The following MAP4K5 variants were observed in gnomAD, a reference collection of about 807,000 sequenced individuals.
The protein encoded by MAP4K5 is MAPK/ERK kinase kinase kinase 5.
In MAP4K5, 82 loss-of-function variants were observed where a neutral mutation model predicts 135.6. The observed-to-expected ratio is 0.60, with a 90% CI of 0.51 to 0.73. The LOEUF (loss-of-function observed/expected upper bound fraction) is 0.73, where lower values mean the gene tolerates loss of function less well. Among genes scored for constraint, MAP4K5 ranks in the 30% least tolerant of loss-of-function variants. MAP4K5 has a pLI of 0.00. For missense variants in MAP4K5, 907 were observed against 1,010.9 expected (o/e 0.90, Z 1.39); for synonymous variants, 347 against 335.0 (o/e 1.04, Z -0.39).
chr14:50,550,438 G>A (rs964914041), intron 1 of MAP4K5, among the ~76,000 whole-genome samples: 8 of 152,154 alleles, frequency 5.3e-5, no homozygotes, highest in South Asian at 2.1e-4. Flanking sequence ...CTACAGCAGC[G>A]GTCAGCCACC....
chr14:50,527,963 T>C (rs934580745), intron 2 of MAP4K5, among the ~76,000 whole-genome samples: 1 of 152,220 alleles, frequency 6.6e-6, no homozygotes, highest in African/African-American at 2.4e-5. Flanking sequence ...CTACTGATTA[T>C]GAACTGTATC....
At chr14:50,422,289 C>CAAA (rs965845409) in intron 32 of MAP4K5, among the ~76,000 whole-genome samples, 1 of 152,138 alleles carries the variant, frequency 6.6e-6, no homozygotes, top group Non-Finnish European at 1.5e-5. Flanking sequence ...CTTACCTTTT[C>CAAA]TATTCACTAA....
At chr14:50,519,342 T>C (rs2140083011) in intron 2 of MAP4K5, among the ~76,000 whole-genome samples, 1 of 152,276 alleles carries the variant, frequency 6.6e-6, no homozygotes, top group East Asian at 1.9e-4. Context: ...TAATTTTTCA[T>C]TCCTATATAG....
At chr14:50,509,745 C>T (rs550067353) in intron 2 of MAP4K5, among the ~76,000 whole-genome samples, 5 of 151,722 alleles carry the variant, frequency 3.3e-5, no homozygotes, top group African/African-American at 4.8e-5. Flanking sequence ...AACATAATAG[C>T]CACTTCTATG....
chr14:50,498,864 A>G lies in MAP4K5; in HGVS notation c.166+5936T>C, dbSNP rs193192907. 8.6e-4 allele frequency among the ~76,000 whole-genome samples: 131 copies of G among 152,330 alleles called. 1 individual carries two copies. The highest frequency in any genetic ancestry group is 8.4e-3 in the Admixed American group (129 of 15,302). ...ACCAGTTCATCTGTTAAATCAATAC[A>G]AGAAAGCACTTTTGTATTATGCTGG... On this transcript the variant is annotated intron_variant, in intron 3 of 32. Coordinates refer to ENST00000682126, the MANE Select transcript of MAP4K5 (RefSeq NM_006575.6).
intron 21 of MAP4K5, among the ~76,000 whole-genome samples, chr14:50,441,466 C>T: frequency 6.6e-6 from 1 of 152,034 alleles, no homozygotes; most frequent in Non-Finnish European, 1.5e-5. Flanking sequence ...CATGAGGACT[C>T]ATTATACAAA....
intron 14 of MAP4K5, among the ~76,000 whole-genome samples, chr14:50,451,910 A>G (rs980006382): frequency 1.3e-5 from 2 of 152,184 alleles, no homozygotes; most frequent in South Asian, 4.1e-4. Flanking sequence ...ATGCTTCCTA[A>G]CTGACAAAGG....
At chr14:50,465,069 T>G (rs2036801567) in intron 11 of MAP4K5, among the ~76,000 whole-genome samples, 1 of 152,202 alleles carries the variant, frequency 6.6e-6, no homozygotes, top group Non-Finnish European at 1.5e-5. Flanking sequence ...AGGAATATAA[T>G]TAGCAGCACA....
chr14:50,458,948 A>G (rs2036650818), intron 13 of MAP4K5, among the ~76,000 whole-genome samples: 2 of 152,096 alleles, frequency 1.3e-5, no homozygotes, highest in Non-Finnish European at 2.9e-5. Context: ...AGTTGGGACT[A>G]CAGGAACCCA....
At chr14:50,478,629 C>T (rs1204565526) in intron 6 of MAP4K5, among the ~76,000 whole-genome samples, 4 of 152,050 alleles carry the variant, frequency 2.6e-5, no homozygotes, top group East Asian at 1.9e-4. Flanking sequence ...AGAATATATA[C>T]TGGTTAAACA....
chr14:50,477,564 A>T (rs1316623453), intron 6 of MAP4K5, among the ~76,000 whole-genome samples: 2 of 152,272 alleles, frequency 1.3e-5, no homozygotes, highest in African/African-American at 4.8e-5. Flanking sequence ...GCCTGGAGGA[A>T]AAAACATCCC....
intron 3 of MAP4K5, among the ~76,000 whole-genome samples, 188 bp from the exon 4 acceptor site, chr14:50,486,382 C>T (rs2037364185): frequency 6.6e-6 from 1 of 151,888 alleles, no homozygotes; most frequent in Admixed American, 6.6e-5. Flanking sequence ...TCTTTGAACC[C>T]ACAATTTTAC....
intron 9 of MAP4K5, among the ~76,000 whole-genome samples, chr14:50,470,932 A>C (rs2036946742): frequency 6.6e-6 from 1 of 152,192 alleles, no homozygotes; most frequent in Admixed American, 6.5e-5. Flanking sequence ...AAAGAAGATA[A>C]ATATTGCTTA....
intron 25 of MAP4K5, 34 bp from the exon 26 acceptor site, chr14:50,437,568 A>G (rs757313965): frequency 2.5e-5 from 35 of 1,386,326 alleles, no homozygotes; most frequent in Non-Finnish European, 3.3e-5. Context: ...TGCACTCTAC[A>G]GTAGTGGTTA....
At position 50,555,161 on chromosome 14, in the gene MAP4K5, A is replaced by C. The variant is rs562285438; in HGVS notation, c.-180+5879T>G. On this transcript the variant is annotated intron_variant, in intron 1 of 8. Coordinates refer to the MAP4K5 transcript ENST00000555216. ...CCTTTTACCCTTCTGTATGGCTAGA[A>C]TGAAAATGTGAATGCCCACACTAGA... Among the ~76,000 whole-genome samples, 18 of 152,362 alleles carry C rather than the reference A, an allele frequency of 1.2e-4. No homozygotes were observed. In the South Asian group the frequency reaches 3.3e-3, roughly 28 times the overall value.
chr14:50,557,074 C>G (rs912328886), intron 1 of MAP4K5, among the ~76,000 whole-genome samples: 7 of 152,136 alleles, frequency 4.6e-5, no homozygotes, highest in Admixed American at 3.9e-4. Flanking sequence ...GACTTTTTCC[C>G]AAAGTATCTG....
intron 21 of MAP4K5, among the ~76,000 whole-genome samples, chr14:50,442,197 C>A (rs1435553142): frequency 6.6e-6 from 1 of 151,964 alleles, no homozygotes; most frequent in Non-Finnish European, 1.5e-5. Flanking sequence ...TGTAATAGTA[C>A]AAATAATTCC....
At chr14:50,511,746 C>G (rs564094458) in intron 2 of MAP4K5, among the ~76,000 whole-genome samples, 6 of 151,908 alleles carry the variant, frequency 3.9e-5, no homozygotes, top group Non-Finnish European at 8.8e-5. Context: ...CAAAAAGATA[C>G]GGAAGAATCC....
chr14:50,475,239 A>T, intron 8 of MAP4K5, 90 bp from the exon 9 acceptor site: 1 of 886,996 alleles, frequency 1.1e-6, no homozygotes, highest in Non-Finnish European at 1.8e-6. Flanking sequence ...AGTATTAATA[A>T]TTCAAATATT....
Sources: allele counts gnomAD v4.1 joint callset (sites outside exome capture counted in the v4.1 genomes callset), GRCh38; gene constraint gnomAD v4.1.1; transcripts MANE v1.5; gene names NCBI Gene and HGNC (gene_info 2026-07-23, HGNC 2026-07-21).